The following PHACTR2 variants were observed in gnomAD, a reference collection of about 807,000 sequenced individuals.
The protein encoded by PHACTR2 is chromosome 6 open reading frame 56.
Under a neutral mutation model 76.0 loss-of-function variants are expected in PHACTR2, and 30 were observed. That is an observed-to-expected ratio of 0.39 (90% CI 0.30 to 0.54). The LOEUF is 0.54. Among genes scored for constraint, PHACTR2 ranks in the 20% least tolerant of loss-of-function variants. The pLI, the probability that PHACTR2 is intolerant of heterozygous loss-of-function variation, is 0.61. For synonymous variants in PHACTR2, 292 were observed against 292.5 expected (o/e 1.00, Z 0.02); for missense variants, 696 against 781.1 (o/e 0.89, Z 1.30).
Position 143,772,242 on chromosome 6 carries a change from T to C in PHACTR2, c.1233-16T>C. The C allele has an allele frequency of 6.2e-7, 1 of 1,603,878 alleles. No individual in the cohort carries two copies. The highest frequency in any genetic ancestry group is 8.5e-7 in the Non-Finnish European group (1 of 1,170,782). ...CTGAGCTTCACATCACTCCCATGCT[T>C]TTCTGCCTTTAACAGTTTCACAACC... is the stretch of plus-strand genomic sequence containing the variant. On this transcript the variant is annotated splice_polypyrimidine_tract_variant and intron_variant, in intron 6 of 12. Transcript: ENST00000440869. The surrounding 1 kb of genome is among the most constrained non-coding windows in gnomAD (Gnocchi z 5.4).
In PHACTR2 at chr6:143,662,624, T is replaced by C. The variant is rs2128448704; in HGVS notation, c.14-49392T>C. ...TTTTTCCCTGAATGCAAAACAGTAATATTTAAATTCACCTTCCTACTAGGG... is the reference window on the plus strand; with the variant it reads ...TTTTTCCCTGAATGCAAAACAGTAACATTTAAATTCACCTTCCTACTAGGG... On this transcript the variant is annotated intron_variant, in intron 1 of 11. Coordinates refer to the PHACTR2 transcript ENST00000305766. The surrounding 1 kb of genome is among the most constrained non-coding windows in gnomAD (Gnocchi z 4.7). Among the ~76,000 whole-genome samples the C allele has an allele frequency of 6.6e-6, 1 of 152,326 alleles. No homozygotes were observed. Among genetic ancestry groups the C allele is most frequent in the Non-Finnish European group, 1.5e-5 (1 of 68,016 alleles).
At chr6:143,665,911 T>A (rs1386461901) in intron 1 of PHACTR2, among the ~76,000 whole-genome samples, 1 of 152,234 alleles carries the variant, frequency 6.6e-6, no homozygotes, top group Non-Finnish European at 1.5e-5. Context: ...CTGGGATACA[T>A]GTGCAGAATG....
Position 143,621,974 on chromosome 6 carries a change from T to G in PHACTR2, c.13+13652T>G, listed in dbSNP as rs1341107880. 6.6e-6 allele frequency among the ~76,000 whole-genome samples: 1 copy of G among 152,144 alleles called. No individual in the cohort carries two copies. Among genetic ancestry groups the G allele is most frequent in the Non-Finnish European group, 1.5e-5 (1 of 68,028 alleles). Reference sequence around the variant, plus strand: ...CTAATCTGCTGTTTTCTTCTTTTTGTGTGTGTGGTCTGGGAAACCAAATAA... The same window carrying G: ...CTAATCTGCTGTTTTCTTCTTTTTGGGTGTGTGGTCTGGGAAACCAAATAA... On this transcript the variant is annotated intron_variant, in intron 1 of 11. Transcript: ENST00000305766. This position sits in a 1 kb window ranked among gnomAD's most constrained non-coding sequence, Gnocchi z 4.1.
chr6:143,823,643 A>G lies in PHACTR2; in HGVS notation c.1923-31A>G. Reference sequence around the variant, plus strand: ...TGCATGCAGAATGTGCTCCTAGGCCACAGGCTTATAGTTTCTATTTCTTAC... The same window carrying G: ...TGCATGCAGAATGTGCTCCTAGGCCGCAGGCTTATAGTTTCTATTTCTTAC... On this transcript the variant is annotated intron_variant, in intron 12 of 12. Transcript: ENST00000440869. This position sits in a 1 kb window ranked among gnomAD's most constrained non-coding sequence, Gnocchi z 5.7. 6.2e-7 allele frequency: 1 copy of G among 1,600,832 alleles called. No individual in the cohort carries two copies. Among genetic ancestry groups the G allele is most frequent in the Non-Finnish European group, 8.6e-7 (1 of 1,168,702 alleles).
At chr6:143,717,264 A>T (rs138802272) in intron 2 of PHACTR2, among the ~76,000 whole-genome samples, 51 of 152,294 alleles carry the variant, frequency 3.3e-4, no homozygotes, top group African/African-American at 1.0e-3. Context: ...AAGGGTCAGT[A>T]ACATGTCTCT....
intron 1 of PHACTR2, among the ~76,000 whole-genome samples, chr6:143,640,968 T>A (rs969297584): frequency 2.6e-5 from 4 of 152,182 alleles, no homozygotes; most frequent in African/African-American, 4.8e-5. Flanking sequence ...TAGTCTGTTT[T>A]ATGCTTCTGT....
chr6:143,564,195 G>GTATATA (rs1562685628), intron 1 of PHACTR2, among the ~76,000 whole-genome samples: 5 of 31,208 alleles, frequency 1.6e-4, no homozygotes, highest in Admixed American at 3.4e-4. Context: ...GTGTGTGTGT[G>GTATATA]CATATATATA....
chr6:143,773,681 A>G (rs1582866806), intron 7 of PHACTR2, among the ~76,000 whole-genome samples: 1 of 152,242 alleles, frequency 6.6e-6, no homozygotes, highest in East Asian at 1.9e-4. Flanking sequence ...GATTAACTGT[A>G]CAGAATAAAA....
At chr6:143,690,367 T>A (rs533884096) in intron 1 of PHACTR2, among the ~76,000 whole-genome samples, 1 of 152,280 alleles carries the variant, frequency 6.6e-6, no homozygotes, top group Admixed American at 6.5e-5. Flanking sequence ...CCTTCCACTT[T>A]CCTCTTGCAT....
intron 3 of PHACTR2, among the ~76,000 whole-genome samples, chr6:143,752,555 G>A (rs1248941038): frequency 2.0e-5 from 3 of 152,102 alleles, no homozygotes; most frequent in Admixed American, 2.0e-4. Context: ...TTAGTTATAG[G>A]TTATTGGGAG....
chr6:143,594,744 T>C (rs1775728657), intron 1 of PHACTR2, among the ~76,000 whole-genome samples: 2 of 152,250 alleles, frequency 1.3e-5, no homozygotes, highest in Admixed American at 1.3e-4. Context: ...ATGGGCTTCC[T>C]CTAGAGTTTG....
chr6:143,726,200 A>C (rs746218560), intron 2 of PHACTR2, among the ~76,000 whole-genome samples: 4 of 152,224 alleles, frequency 2.6e-5, no homozygotes, highest in Non-Finnish European at 4.4e-5. Context: ...AGAGTTTTGC[A>C]TTCCTGCAAG....
In PHACTR2 at chr6:143,663,677, G is replaced by A. The variant is rs1281500230; in HGVS notation, c.14-48339G>A. Among the ~76,000 whole-genome samples, 1 of 152,030 alleles carries A rather than the reference G, an allele frequency of 6.6e-6. No individual in the cohort carries two copies. Among genetic ancestry groups the A allele is most frequent in the Admixed American group, 6.6e-5 (1 of 15,258 alleles). On this transcript the variant is annotated intron_variant, in intron 1 of 11. Transcript: ENST00000305766. The surrounding 1 kb of genome is among the most constrained non-coding windows in gnomAD (Gnocchi z 4.1). ...TTATGCTACAATTGGATTTTCTTGT[G>A]TTACTTAGGAGTATGTTTCTTTCAG...
At position 143,617,478 on chromosome 6, in the gene PHACTR2, C is replaced by T. The variant is rs906195072; in HGVS notation, c.13+9156C>T. Among the ~76,000 whole-genome samples, 4 of 152,218 alleles carry T rather than the reference C, an allele frequency of 2.6e-5. No individual in the cohort carries two copies. The highest frequency in any genetic ancestry group is 5.9e-5 in the Non-Finnish European group (4 of 68,032). ...CTTTTAAATACCCATCTCTGTGCCC[C>T]ACCCTAGACAAATTCAGTCCGGGAC... On this transcript the variant is annotated intron_variant, in intron 1 of 11. Transcript: ENST00000305766. The surrounding 1 kb of genome is among the most constrained non-coding windows in gnomAD (Gnocchi z 4.8).
At chr6:143,668,240 G>A (rs1222576338) in intron 1 of PHACTR2, among the ~76,000 whole-genome samples, 1 of 152,148 alleles carries the variant, frequency 6.6e-6, no homozygotes, top group Non-Finnish European at 1.5e-5. Flanking sequence ...TGATCGTTGT[G>A]GATAAGATTT....
At chr6:143,544,029 G>A (rs1584049984) in intron 1 of PHACTR2, among the ~76,000 whole-genome samples, 2 of 152,218 alleles carry the variant, frequency 1.3e-5, no homozygotes, top group Non-Finnish European at 2.9e-5. Flanking sequence ...ACCTTCTCTT[G>A]CCCTTCTCTT....
chr6:143,558,693 C>T lies in PHACTR2; in HGVS notation c.217+21486C>T, dbSNP rs571823410. Among the ~76,000 whole-genome samples the T allele has an allele frequency of 3.9e-5, 6 of 152,288 alleles. No individual in the cohort carries two copies. Among genetic ancestry groups the T allele is most frequent in the African/African-American group, 1.2e-4 (5 of 41,552 alleles). On this transcript the variant is annotated intron_variant, in intron 1 of 11. Coordinates refer to the PHACTR2 transcript ENST00000367584. The surrounding 1 kb of genome is among the most constrained non-coding windows in gnomAD (Gnocchi z 4.7). ...TCTGTAGTGCTAAGATACATTCATG[C>T]GTTTTTCCAATGCGAGGAGGTAGAG... is the stretch of plus-strand genomic sequence containing the variant.
At chr6:143,758,296 A>G (rs1779353332) in intron 4 of PHACTR2, among the ~76,000 whole-genome samples, 2 of 152,138 alleles carry the variant, frequency 1.3e-5, no homozygotes, top group South Asian at 2.1e-4. Context: ...GTGGTATATA[A>G]GAGAATTAAG....
chr6:143,707,281 T>C (rs889064259), intron 1 of PHACTR2, among the ~76,000 whole-genome samples: 3 of 152,256 alleles, frequency 2.0e-5, no homozygotes, highest in Non-Finnish European at 4.4e-5. Flanking sequence ...TATCAAAGCA[T>C]TGTTTACCAC....
Sources: gnomAD v4.1 joint callset for allele counts (sites outside exome capture counted in the v4.1 genomes callset) on GRCh38, gnomAD v4.1.1 for gene constraint, Gnocchi (gnomAD v3.1) non-coding constraint, MANE v1.5 for transcripts, NCBI Gene and HGNC (gene_info 2026-07-23, HGNC 2026-07-21) for gene names.